Variants in TIMELESS observed in about 807,000 individuals in gnomAD.
The protein encoded by TIMELESS is timeless circadian regulator.
Under a neutral mutation model 164.3 loss-of-function variants are expected in TIMELESS, and 124 were observed. That is an observed-to-expected ratio of 0.75 (90% CI 0.65 to 0.88). TIMELESS has a LOEUF of 0.88. TIMELESS is among the 40% of genes least tolerant of loss of function. The probability of loss-of-function intolerance (pLI) is 0.00; values close to 1 mark genes in which losing one functional copy is unlikely to be tolerated. For missense variants in TIMELESS, 1,422 were observed against 1,491.4 expected (o/e 0.95, Z 0.77); for synonymous variants, 564 against 563.4 (o/e 1.00, Z -0.02).
intron 10 of TIMELESS, 150 bp from the exon 11 acceptor site, chr12:56,429,250 G>A (rs187159929): frequency 5.8e-6 from 4 of 684,568 alleles, no homozygotes; most frequent in East Asian, 5.6e-5. Context: ...CCAGGCTGGA[G>A]TGCAATGGCA....
intron 1 of TIMELESS, among the ~76,000 whole-genome samples, chr12:56,440,803 G>A (rs190975177): frequency 1.1e-4 from 16 of 152,268 alleles, no homozygotes; most frequent in African/African-American, 2.9e-4. Context: ...AACATCTTAG[G>A]GCAATTTGAC....
At position 56,421,133 on chromosome 12, in the gene TIMELESS, G is replaced by A; in HGVS notation, c.2870C>T (p.Pro957Leu). ...ATCTTTCAGGGACTCCGCTCCATTT[G>A]GCTAAAATTCATTGGGGGTTGGGGG... is the stretch of plus-strand genomic sequence containing the variant. Reference protein sequence around the residue: ...RQKKLASSILPNGAESLKDFC... With the variant: ...RQKKLASSILLNGAESLKDFC... The change falls in exon 24 of 29, where the codon CCA becomes CTA. Residue 957 changes from proline (P) to leucine (L), a missense_variant and splice_region_variant. Transcript: ENST00000553532. The A allele has an allele frequency of 6.2e-7, 1 of 1,613,862 alleles. No individual in the cohort carries two copies. Among genetic ancestry groups the A allele is most frequent in the Non-Finnish European group, 8.5e-7 (1 of 1,179,998 alleles).
chr12:56,444,634 G>GC (rs1431993169), intron 1 of TIMELESS, among the ~76,000 whole-genome samples: 1 of 151,834 alleles, frequency 6.6e-6, no homozygotes, highest in Non-Finnish European at 1.5e-5. Context: ...GCAGCCTCAA[G>GC]CCCCCAGGCT....
chr12:56,418,425 T>C (rs892621293), intron 26 of TIMELESS, 66 bp from the exon 27 acceptor site: 4 of 1,179,318 alleles, frequency 3.4e-6, no homozygotes, highest in African/African-American at 1.5e-5. Context: ...ATGATATTCA[T>C]TGAATATATA....
chr12:56,418,755 A>T (rs1469784537), intron 26 of TIMELESS, among the ~76,000 whole-genome samples: 1 of 151,132 alleles, frequency 6.6e-6, no homozygotes, highest in Non-Finnish European at 1.5e-5. Context: ...ACTACTTAAA[A>T]TTTTTTGTAG....
In TIMELESS at chr12:56,421,078, T is replaced by C; in HGVS notation, c.2925A>G (p.Glu975=). Residue 975 remains glutamate, a synonymous_variant, in exon 24 of 29, where the codon GAA becomes GAG. Transcript: ENST00000553532. ...CTTCGCTGTCTTCCTCAGGCAGGTTTTCCTCTTCTTCCAGATCTTCCTGGC... is the reference window on the plus strand; with the variant it reads ...CTTCGCTGTCTTCCTCAGGCAGGTTCTCCTCTTCTTCCAGATCTTCCTGGC... ...DFCQEDLEEE[E]NLPEEDSEEE... is the part of the protein sequence containing the mutation. 6.2e-7 allele frequency: 1 copy of C among 1,614,180 alleles called. No homozygotes were observed. Among genetic ancestry groups the C allele is most frequent in the Non-Finnish European group, 8.5e-7 (1 of 1,180,036 alleles).
intron 6 of TIMELESS, among the ~76,000 whole-genome samples, chr12:56,432,798 A>T (rs1213786235): frequency 6.6e-6 from 1 of 150,944 alleles, no homozygotes. Flanking sequence ...CAAAAAAAAA[A>T]ATTAGCCAGG....
Position 56,428,652 on chromosome 12 carries a change from C to A in TIMELESS, c.1305G>T (p.Arg435=). ...DRKEAASWAR[R]MHLALKAYQE... ...GATAGGCCTTCAGAGCCAAGTGCAT[C>A]CTGAGAGTTGACGGGAAACGGTGAA... is the stretch of plus-strand genomic sequence containing the variant. Residue 435 remains arginine, a splice_region_variant and synonymous_variant, in exon 12 of 29, where the codon CGG becomes CGT. Transcript: ENST00000553532. 1 of 1,613,564 alleles carries A rather than the reference C, an allele frequency of 6.2e-7. No individual in the cohort carries two copies. Among genetic ancestry groups the A allele is most frequent in the Non-Finnish European group, 8.5e-7 (1 of 1,179,520 alleles).
intron 8 of TIMELESS, among the ~76,000 whole-genome samples, 187 bp downstream of exon 8, chr12:56,431,284 A>T (rs1881869352): frequency 6.6e-6 from 1 of 151,040 alleles, no homozygotes; most frequent in African/African-American, 2.4e-5. Flanking sequence ...AACCCAGGAG[A>T]CAGAGGTTGC....
intron 1 of TIMELESS, among the ~76,000 whole-genome samples, chr12:56,443,747 GTCTT>G (rs1297535701): frequency 3.3e-5 from 5 of 152,040 alleles, no homozygotes; most frequent in African/African-American, 4.8e-5. Context: ...TCTCTTTGTA[GTCTT>G]TCTCTTTATT....
intron 13 of TIMELESS, among the ~76,000 whole-genome samples, chr12:56,427,869 C>G (rs757921611): frequency 1.3e-5 from 2 of 152,186 alleles, no homozygotes; most frequent in Non-Finnish European, 2.9e-5. Flanking sequence ...CGCCACCATG[C>G]CTGGCCGCAA....
intron 13 of TIMELESS, among the ~76,000 whole-genome samples, chr12:56,426,118 T>A (rs76876766): frequency 3.9e-3 from 589 of 152,270 alleles, no homozygotes; most frequent in Non-Finnish European, 6.3e-3. Flanking sequence ...GAATTAGTAT[T>A]ACTAACAAGA....
At chr12:56,421,297 G>A (rs1881474066) in intron 23 of TIMELESS, 54 bp downstream of exon 23, 4 of 1,596,832 alleles carry the variant, frequency 2.5e-6, no homozygotes, top group Non-Finnish European at 2.6e-6. Flanking sequence ...TGCTCCTAAG[G>A]ACCACTTCAA....
chr12:56,424,863 C>T lies in TIMELESS; in HGVS notation c.1767G>A (p.Glu589=). 6.2e-7 allele frequency: 1 copy of T among 1,614,266 alleles called. No individual in the cohort carries two copies. Among genetic ancestry groups the T allele is most frequent in the Non-Finnish European group, 8.5e-7 (1 of 1,180,050 alleles). ...DSVVPFDAAS[E]VPVEEQRAEA... ...CTGCCCGCTGCTCCTCCACTGGCAC[C>T]TCTGAGGCCGCATCAAAGGGAACCA... Residue 589 remains glutamate (E), a synonymous_variant, in exon 15 of 29, where the codon GAG becomes GAA. Coordinates refer to ENST00000553532, the MANE Select transcript of TIMELESS (RefSeq NM_003920.5).
chr12:56,447,278 G>A (rs945526907), intron 1 of TIMELESS, among the ~76,000 whole-genome samples: 8 of 148,198 alleles, frequency 5.4e-5, no homozygotes, highest in Non-Finnish European at 1.0e-4. Flanking sequence ...AATTTCCAGC[G>A]ATGGGGCTTA....
chr12:56,421,863 C>T, intron 21 of TIMELESS, 36 bp downstream of exon 21: 3 of 1,613,218 alleles, frequency 1.9e-6, no homozygotes, highest in Non-Finnish European at 1.7e-6. Context: ...TCACGAGTCC[C>T]CATCCCAATA....
At chr12:56,424,536 T>G (rs574968933) in intron 15 of TIMELESS, among the ~76,000 whole-genome samples, 2 of 152,318 alleles carry the variant, frequency 1.3e-5, no homozygotes, top group Non-Finnish European at 2.9e-5. Context: ...TGATGTCAAG[T>G]GAGGATTTGC....
intron 1 of TIMELESS, among the ~76,000 whole-genome samples, chr12:56,439,048 C>G (rs1029119729): frequency 2.0e-5 from 3 of 151,376 alleles, no homozygotes; most frequent in African/African-American, 7.3e-5. Context: ...CGCCTGTAAT[C>G]CCAGCTACTC....
At chr12:56,424,610 A>G (rs531169603) in intron 15 of TIMELESS, 152 bp downstream of exon 15, 3 of 877,128 alleles carry the variant, frequency 3.4e-6, no homozygotes, top group African/African-American at 3.4e-5. Context: ...AAAAAACCCA[A>G]CAAACCAATC....
Sources: gnomAD v4.1 joint callset for allele counts (sites outside exome capture counted in the v4.1 genomes callset) on GRCh38, gnomAD v4.1.1 for gene constraint, MANE v1.5 for transcripts, NCBI Gene and HGNC (gene_info 2026-07-23, HGNC 2026-07-21) for gene names.